Variants in LMX1B observed in about 807,000 individuals in gnomAD.
LMX1B encodes the protein LIM homeobox transcription factor 1-beta.
In LMX1B, 12 loss-of-function variants were observed where a neutral mutation model predicts 51.4. The ratio of observed to expected loss-of-function variants is 0.23; its 90% confidence interval spans 0.15 to 0.38. The LOEUF (loss-of-function observed/expected upper bound fraction) is 0.38. Among genes scored for constraint, LMX1B ranks in the 10% least tolerant of loss-of-function variants. The pLI is 1.00. For synonymous variants in LMX1B, 237 were observed against 235.4 expected, an observed-to-expected ratio of 1.01 and a Z score of -0.06; for missense variants, 445 against 571.1, an observed-to-expected ratio of 0.78 and a Z score of 2.25.
At chr9:126,684,903 A>G (rs758547562) in intron 2 of LMX1B, among the ~76,000 whole-genome samples, 15 of 152,158 alleles carry the variant, frequency 9.9e-5, no homozygotes, top group Non-Finnish European at 1.9e-4. Context: ...CAGGAGGGCA[A>G]GTTCACTTAC....
chr9:126,664,022 C>T (rs1050293209), intron 2 of LMX1B, among the ~76,000 whole-genome samples: 4 of 152,338 alleles, frequency 2.6e-5, no homozygotes, highest in Admixed American at 6.5e-5. Flanking sequence ...TGCCCTCCCA[C>T]GCCAGCTGCA....
intron 2 of LMX1B, among the ~76,000 whole-genome samples, chr9:126,663,438 A>AG (rs1491124079): frequency 6.7e-6 from 1 of 150,094 alleles, no homozygotes; most frequent in East Asian, 1.9e-4. Context: ...AAAAAAAAAA[A>AG]GAAAAAAAAA....
chr9:126,638,518 G>A (rs1315288669), intron 2 of LMX1B, among the ~76,000 whole-genome samples: 2 of 152,370 alleles, frequency 1.3e-5, no homozygotes, highest in South Asian at 2.1e-4. Flanking sequence ...AGGGAGAGGA[G>A]GGAAGAGCAA....
At chr9:126,675,134 A>G (rs1000273784) in intron 2 of LMX1B, among the ~76,000 whole-genome samples, 2 of 151,880 alleles carry the variant, frequency 1.3e-5, no homozygotes, top group African/African-American at 4.9e-5. Flanking sequence ...AAGAAAGTGG[A>G]AAAAAATCCC....
intron 2 of LMX1B, among the ~76,000 whole-genome samples, chr9:126,660,210 G>C (rs1836215855): frequency 2.0e-5 from 3 of 150,888 alleles, no homozygotes; most frequent in Admixed American, 2.0e-4. Flanking sequence ...TGTCCTGTGT[G>C]GGGGTGTCTA....
chr9:126,665,777 C>T (rs1249181749), intron 2 of LMX1B, among the ~76,000 whole-genome samples: 1 of 152,270 alleles, frequency 6.6e-6, no homozygotes, highest in Non-Finnish European at 1.5e-5. Flanking sequence ...TAGCCCGCTA[C>T]CTCGGTGGGG....
intron 2 of LMX1B, among the ~76,000 whole-genome samples, chr9:126,630,487 G>A (rs1461813554): frequency 1.3e-5 from 2 of 152,244 alleles, no homozygotes; most frequent in Middle Eastern, 3.4e-3. Context: ...CAGGCATGGC[G>A]TCATCCCTTC....
chr9:126,623,165 AC>A (rs1835448578), intron 2 of LMX1B, among the ~76,000 whole-genome samples: 1 of 151,996 alleles, frequency 6.6e-6, no homozygotes, highest in Non-Finnish European at 1.5e-5. Flanking sequence ...TCTGTTCCTC[AC>A]CCAGGTTGGG....
chr9:126,628,558 T>G (rs1835575270), intron 2 of LMX1B, among the ~76,000 whole-genome samples: 1 of 152,294 alleles, frequency 6.6e-6, no homozygotes, highest in South Asian at 2.1e-4. Flanking sequence ...AGCGATGGAA[T>G]CTCTACGCTG....
At position 126,647,512 on chromosome 9, in the gene LMX1B, T is replaced by C. The variant is rs143448334; in HGVS notation, c.326+31943T>C. ...TGCACCGGCATAGTGTTCATTTAAC[T>C]AGTCCCCTGATGATGGACAGTGGGG... On this transcript the variant is annotated intron_variant, in intron 2 of 7. Coordinates refer to ENST00000373474, the MANE Select transcript of LMX1B (RefSeq NM_001174147.2). Among the ~76,000 whole-genome samples the C allele has an allele frequency of 8.5e-4, 130 of 152,350 alleles. 1 individual carries two copies. The highest frequency in any genetic ancestry group is 3.1e-3 in the African/African-American group (127 of 41,582).
At chr9:126,680,073 C>T (rs1588298605) in intron 2 of LMX1B, among the ~76,000 whole-genome samples, 1 of 152,248 alleles carries the variant, frequency 6.6e-6, no homozygotes, top group Non-Finnish European at 1.5e-5. Flanking sequence ...CTCTGCCTCC[C>T]GTGGCCCGGG....
intron 2 of LMX1B, among the ~76,000 whole-genome samples, chr9:126,646,046 G>A (rs1324858430): frequency 6.6e-6 from 1 of 152,142 alleles, no homozygotes; most frequent in Non-Finnish European, 1.5e-5. Flanking sequence ...TTAAACCAGG[G>A]GAAAGGGTTA....
At chr9:126,674,853 C>G (rs1237860752) in intron 2 of LMX1B, among the ~76,000 whole-genome samples, 7 of 152,192 alleles carry the variant, frequency 4.6e-5, no homozygotes, top group Admixed American at 3.9e-4. Context: ...AGCGAGTCTC[C>G]CCACAAATGA....
chr9:126,631,331 T>G (rs1835633030), intron 2 of LMX1B, among the ~76,000 whole-genome samples: 1 of 152,234 alleles, frequency 6.6e-6, no homozygotes, highest in Non-Finnish European at 1.5e-5. Flanking sequence ...ACATCTTGCC[T>G]TGGGGCACAG....
In LMX1B at chr9:126,671,582, C is replaced by T. The variant is rs553260575; in HGVS notation, c.327-19254C>T. On this transcript the variant is annotated intron_variant, in intron 2 of 7. Coordinates refer to ENST00000373474, the MANE Select transcript of LMX1B (RefSeq NM_001174147.2). This position sits in a 1 kb window ranked among gnomAD's most constrained non-coding sequence, Gnocchi z 4.4. ...CCGAGAGGCCGCAAAAACACAGACA[C>T]CCCAGACGGGGCACTGCTCCAGGCC... Among the ~76,000 whole-genome samples, 1 of 152,340 alleles carries T rather than the reference C, an allele frequency of 6.6e-6. No individual in the cohort carries two copies. The highest frequency in any genetic ancestry group is 2.1e-4 in the South Asian group (1 of 4,830).
Position 126,671,745 on chromosome 9 carries a change from A to G in LMX1B, c.327-19091A>G, listed in dbSNP as rs1047035883. Among the ~76,000 whole-genome samples, 23 of 152,224 alleles carry G rather than the reference A, an allele frequency of 1.5e-4. No individual in the cohort carries two copies. The highest frequency in any genetic ancestry group is 5.3e-4 in the African/African-American group (22 of 41,552). On this transcript the variant is annotated intron_variant, in intron 2 of 7. Coordinates refer to ENST00000373474, the MANE Select transcript of LMX1B (RefSeq NM_001174147.2). This position sits in a 1 kb window ranked among gnomAD's most constrained non-coding sequence, Gnocchi z 4.4. Reference sequence around the variant, plus strand: ...GTCACCAGGCACACAAAGGCAGTGTAATATCCTGTGGGCTTACTCGGGGAG... The same window carrying G: ...GTCACCAGGCACACAAAGGCAGTGTGATATCCTGTGGGCTTACTCGGGGAG...
chr9:126,679,559 T>G (rs1305309745), intron 2 of LMX1B, among the ~76,000 whole-genome samples: 1 of 151,928 alleles, frequency 6.6e-6, no homozygotes, highest in Non-Finnish European at 1.5e-5. Flanking sequence ...TGAGTGGATG[T>G]ATGGGTGGAT....
At chr9:126,647,162 T>A (rs1313324028) in intron 2 of LMX1B, among the ~76,000 whole-genome samples, 1 of 151,944 alleles carries the variant, frequency 6.6e-6, no homozygotes, top group African/African-American at 2.4e-5. Flanking sequence ...TGATGGCACC[T>A]GTGAATAGCC....
In LMX1B at chr9:126,695,960, C is replaced by A. The variant is rs1382120162; in HGVS notation, c.1008C>A (p.Gly336=). The A allele has an allele frequency of 5.0e-6, 8 of 1,612,596 alleles. No homozygotes were observed. Among genetic ancestry groups the A allele is most frequent in the Non-Finnish European group, 5.9e-6 (7 of 1,179,538 alleles). The change falls in exon 7 of 8, where the codon GGC becomes GGA. Residue 336 remains glycine, a synonymous_variant. Transcript: ENST00000373474. The surrounding 1 kb of genome is among the most constrained non-coding windows in gnomAD (Gnocchi z 5.2). ...GCAGCAGCGACCCCTTCCAGCAGGGCCTCACGCCGCCCCAAATGCCAGGTG... is the reference window on the plus strand; with the variant it reads ...GCAGCAGCGACCCCTTCCAGCAGGGACTCACGCCGCCCCAAATGCCAGGTG... ...PYGSSDPFQQ[G]LTPPQMPGDH... is the part of the protein sequence containing the mutation.
Sources: gnomAD v4.1 joint callset for allele counts (sites outside exome capture counted in the v4.1 genomes callset) on GRCh38, gnomAD v4.1.1 for gene constraint, Gnocchi (gnomAD v3.1) non-coding constraint, MANE v1.5 for transcripts, NCBI Gene and HGNC (gene_info 2026-07-23, HGNC 2026-07-21) for gene names.